MTMR10: variants seen among roughly 807,000 people sequenced by gnomAD.
MTMR10 encodes the protein myotubularin-related protein 10.
In MTMR10, 56 loss-of-function variants were observed where a neutral mutation model predicts 88.1. The observed-to-expected ratio is 0.64, with a 90% CI of 0.51 to 0.79. The LOEUF (loss-of-function observed/expected upper bound fraction) is 0.79, where lower values mean the gene tolerates loss of function less well. MTMR10 is among the 30% of genes least tolerant of loss of function. The probability of loss-of-function intolerance (pLI) is 0.00; values close to 1 mark genes in which losing one functional copy is unlikely to be tolerated. For synonymous variants in MTMR10, 380 were observed against 340.9 expected, an observed-to-expected ratio of 1.11 and a Z score of -1.26; for missense variants, 883 against 924.7, an observed-to-expected ratio of 0.95 and a Z score of 0.58.
At chr15:30,967,822 A>G in intron 6 of MTMR10, 98 bp downstream of exon 6, 1 of 925,870 alleles carries the variant, frequency 1.1e-6, no homozygotes. Flanking sequence ...GTAATTCTAC[A>G]ATCATTAAAG....
the MTMR10 span, chr15:30,925,942 A>T: frequency 1.2e-6 from 2 of 1,614,056 alleles, no homozygotes; most frequent in Non-Finnish European, 1.7e-6. Flanking sequence ...TGACCAGGGT[A>T]ACTGAGCAGG....
At chr15:30,986,115 G>A (rs575576937) in intron 2 of MTMR10, among the ~76,000 whole-genome samples, 96 of 152,156 alleles carry the variant, frequency 6.3e-4, no homozygotes, top group African/African-American at 2.2e-3. Context: ...CCAGGAGTTC[G>A]AAACCAGCCT....
chr15:30,943,472 G>C, intron 14 of MTMR10: 1 of 985,464 alleles, frequency 1.0e-6, no homozygotes, highest in Non-Finnish European at 1.2e-6. Flanking sequence ...TTGGTAAGTG[G>C]ATTAACAAAA....
chr15:30,968,052 T>TA (rs1367971592), intron 5 of MTMR10, 42 bp from the exon 6 acceptor site: 4 of 1,387,012 alleles, frequency 2.9e-6, no homozygotes, highest in East Asian at 2.5e-5. Context: ...TTAACACACT[T>TA]AGTTAAATGA....
intron 5 of MTMR10, among the ~76,000 whole-genome samples, chr15:30,970,118 T>A (rs1170272144): frequency 1.3e-5 from 2 of 152,150 alleles, no homozygotes; most frequent in Non-Finnish European, 2.9e-5. Flanking sequence ...TCTGTTACAC[T>A]TCTACCATGA....
At position 30,954,869 on chromosome 15, in the gene MTMR10, A is replaced by T; in HGVS notation, c.960T>A (p.Ser320Arg). 1 of 1,557,912 alleles carries T rather than the reference A, an allele frequency of 6.4e-7. No homozygotes were observed. Among genetic ancestry groups the T allele is most frequent in the South Asian group, 1.2e-5 (1 of 83,744 alleles). The change falls in exon 10 of 16, where the codon AGT becomes AGA. Residue 320 changes from serine to arginine, a missense_variant. This residue lies in a region of MTMR10 where 414 missense variants were observed against 423.2 expected (regional missense o/e 0.98). Transcript: ENST00000435680. ...DQRICNAITKSHPQRSDVYKS... is the reference protein window; with the variant it reads ...DQRICNAITKRHPQRSDVYKS... ...TGTAAACATCACTTCTCTGTGGGTG[A>T]CTTTTAGTTATTGCATTACAAATCC...
At chr15:30,963,667 A>AGACAGATAGATAGACG in intron 6 of MTMR10, among the ~76,000 whole-genome samples, 1 of 148,508 alleles carries the variant, frequency 6.7e-6, no homozygotes, top group South Asian at 2.1e-4. Flanking sequence ...ATAGATAGAC[A>AGACAGATAGATAGACG]GACAGATAGA....
At chr15:30,943,271 A>AGG in intron 14 of MTMR10, 199 bp from the exon 15 acceptor site, 2 of 985,412 alleles carry the variant, frequency 2.0e-6, no homozygotes, top group Non-Finnish European at 2.4e-6. Flanking sequence ...CCCATGAACA[A>AGG]GGAGTGTGCT....
At chr15:30,955,868 A>G (rs2063320014) in intron 9 of MTMR10, among the ~76,000 whole-genome samples, 1 of 152,142 alleles carries the variant, frequency 6.6e-6, no homozygotes, top group Non-Finnish European at 1.5e-5. Flanking sequence ...TTAGGAGAGA[A>G]TGGGCTACTA....
chr15:30,965,692 G>A (rs1053897965), intron 6 of MTMR10, among the ~76,000 whole-genome samples: 1 of 152,166 alleles, frequency 6.6e-6, no homozygotes, highest in Admixed American at 6.5e-5. Flanking sequence ...CTTTACTCCA[G>A]GATATTCACA....
At chr15:30,947,052 A>G (rs1349663109) in intron 14 of MTMR10, 78 bp downstream of exon 14, 4 of 1,450,978 alleles carry the variant, frequency 2.8e-6, no homozygotes, top group Non-Finnish European at 3.7e-6. Flanking sequence ...TTAAATAGGC[A>G]GTGAATTATA....
intron 3 of MTMR10, among the ~76,000 whole-genome samples, chr15:30,975,558 G>A (rs1308658205): frequency 6.6e-6 from 1 of 152,078 alleles, no homozygotes; most frequent in Admixed American, 6.5e-5. Flanking sequence ...GAAGTCTGGG[G>A]CCAATGATCA....
chr15:30,977,015 G>A, intron 2 of MTMR10, 60 bp from the exon 3 acceptor site: 14 of 1,525,518 alleles, frequency 9.2e-6, no homozygotes, highest in Middle Eastern at 2.0e-4. Flanking sequence ...CGGTCTTTGT[G>A]GGACCTAGAA....
At chr15:30,990,746 A>C in intron 2 of MTMR10, 31 bp downstream of exon 2, 1 of 1,581,534 alleles carries the variant, frequency 6.3e-7, no homozygotes, top group Non-Finnish European at 8.6e-7. Flanking sequence ...ACGTTGCTAA[A>C]GTATCTGTTA....
chr15:30,955,559 C>A (rs28442013), intron 9 of MTMR10, among the ~76,000 whole-genome samples: 1 of 152,148 alleles, frequency 6.6e-6, no homozygotes, highest in Non-Finnish European at 1.5e-5. Flanking sequence ...CGTGAGCCAC[C>A]GCGCCCGGGC....
intron 2 of MTMR10, among the ~76,000 whole-genome samples, chr15:30,989,440 C>T (rs1337956513): frequency 1.3e-5 from 2 of 151,840 alleles, no homozygotes; most frequent in Non-Finnish European, 2.9e-5. Flanking sequence ...ATATTTTGTC[C>T]CTATATAATA....
Position 30,942,925 on chromosome 15 carries a change from GTA to G in MTMR10, c.1694_1695del (p.Ile565ThrfsTer9). On this transcript the variant is annotated frameshift_variant, in exon 15 of 16. Coordinates refer to ENST00000435680, the MANE Select transcript of MTMR10 (RefSeq NM_017762.3). LOFTEE classifies it low-confidence loss of function (END_TRUNC). ...TTAAAAGACTTCACGGAGCCATTCT[GTA>G]TACAAGGTGTGCTCTTTCCAATGTA... The part of the protein sequence containing the change: ...PFYIGKSTPC[I>X]QNGSVKSFKR... The G allele has an allele frequency of 6.4e-7, 1 of 1,568,528 alleles. No individual in the cohort carries two copies. Among genetic ancestry groups the G allele is most frequent in the Non-Finnish European group, 8.7e-7 (1 of 1,154,460 alleles).
chr15:30,963,680 G>GACAGACAGATAGATAA (rs1862379619), intron 6 of MTMR10, among the ~76,000 whole-genome samples: 1 of 152,020 alleles, frequency 6.6e-6, no homozygotes, highest in African/African-American at 2.4e-5. Flanking sequence ...CAGATAGATA[G>GACAGACAGATAGATAA]ATAGATAGAT....
rs12591514 is a variant in MTMR10 at position 30,954,951 on chromosome 15, A to G, written c.936-58T>C. The G allele has an allele frequency of 3.1e-5, 45 of 1,435,078 alleles. No homozygotes were observed. The East Asian group carries it at 9.6e-4, about 31-fold the overall frequency. 88.9% of individuals were successfully genotyped at this position (1,435,078 alleles called of 1,614,324 possible). On this transcript the variant is annotated intron_variant, in intron 9 of 15. Transcript: ENST00000435680. ...CATTCATTTCAGCATATATTTATTT[A>G]ACCCTTACTATAGACCAGGGGATAG...
Sources: allele counts gnomAD v4.1 joint callset (sites outside exome capture counted in the v4.1 genomes callset), GRCh38; gene constraint gnomAD v4.1.1; regional missense constraint gnomAD v4.1.1; transcripts MANE v1.5; gene names NCBI Gene and HGNC (gene_info 2026-07-23, HGNC 2026-07-21).